The following ZFYVE28 variants were observed in gnomAD, a reference collection of about 807,000 sequenced individuals.
ZFYVE28 encodes the protein lateral signaling target protein 2 homolog.
Under a neutral mutation model 82.1 loss-of-function variants are expected in ZFYVE28, and 40 were observed. The ratio of observed to expected loss-of-function variants is 0.49; its 90% CI spans 0.38 to 0.63. The LOEUF (loss-of-function observed/expected upper bound fraction) is 0.63. Ranked by LOEUF, ZFYVE28 falls within the 30% of genes least tolerant of loss-of-function variation. The pLI, the probability that ZFYVE28 is intolerant of heterozygous loss-of-function variation, is 0.00. For synonymous variants in ZFYVE28, 612 were observed against 546.1 expected (o/e 1.12, Z -1.68); for missense variants, 1,321 against 1,242.1 (o/e 1.06, Z -0.96).
At chr4:2,402,153 G>A (rs1261175488) in intron 1 of ZFYVE28, among the ~76,000 whole-genome samples, 1 of 152,180 alleles carries the variant, frequency 6.6e-6, no homozygotes, top group Non-Finnish European at 1.5e-5. Flanking sequence ...AGTGAGCATG[G>A]AGCTCTGCTG....
chr4:2,381,665 C>T (rs1021082887), intron 1 of ZFYVE28, among the ~76,000 whole-genome samples: 4 of 152,208 alleles, frequency 2.6e-5, no homozygotes, highest in Admixed American at 6.5e-5. Flanking sequence ...CCTCAGCCTC[C>T]CAAAGTGCTG....
intron 1 of ZFYVE28, among the ~76,000 whole-genome samples, chr4:2,378,001 G>A (rs1012847125): frequency 6.6e-6 from 1 of 152,304 alleles, no homozygotes. Context: ...GTAACACAAT[G>A]GGAAGTATTC....
At chr4:2,292,373 G>A (rs998891765) in intron 8 of ZFYVE28, among the ~76,000 whole-genome samples, 3 of 152,194 alleles carry the variant, frequency 2.0e-5, no homozygotes, top group Admixed American at 6.5e-5. Flanking sequence ...CCACAGCATA[G>A]GGCAACGCTA....
chr4:2,386,096 G>T (rs534593038), intron 1 of ZFYVE28, among the ~76,000 whole-genome samples: 2 of 152,238 alleles, frequency 1.3e-5, no homozygotes, highest in South Asian at 4.2e-4. Context: ...TCACTCCCAC[G>T]GCTGCAGCAG....
chr4:2,322,693 T>C lies in ZFYVE28; in HGVS notation c.702-2422A>G, dbSNP rs1400877814. On this transcript the variant is annotated intron_variant, in intron 6 of 12. Transcript: ENST00000290974. ...CGGTGCTGTGCACCCATCACCTCTC[T>C]AGTTTCAAAAGGTTTTTATCACCCC... Among the ~76,000 whole-genome samples, 3 of 152,188 alleles carry C rather than the reference T, an allele frequency of 2.0e-5. No homozygotes were observed. In the East Asian group the frequency reaches 5.8e-4, roughly 29 times the overall value.
intron 2 of ZFYVE28, among the ~76,000 whole-genome samples, chr4:2,350,297 T>C (rs1471966285): frequency 7.9e-5 from 12 of 151,990 alleles, no homozygotes; most frequent in Non-Finnish European, 2.9e-5. Flanking sequence ...ACCCCATCTC[T>C]ACTAAAAATA....
At chr4:2,383,030 CACA>C (rs1578330271) in intron 1 of ZFYVE28, among the ~76,000 whole-genome samples, 1 of 152,264 alleles carries the variant, frequency 6.6e-6, no homozygotes, top group East Asian at 1.9e-4. Context: ...GGGTCCCTCT[CACA>C]ACATGTGGGA....
chr4:2,410,288 C>G (rs1035865605), intron 1 of ZFYVE28, among the ~76,000 whole-genome samples: 1 of 152,084 alleles, frequency 6.6e-6, no homozygotes, highest in Admixed American at 6.6e-5. Flanking sequence ...ACTCTCCAAC[C>G]CCTGGCAACC....
At chr4:2,278,410 A>T (rs986250831) in intron 8 of ZFYVE28, among the ~76,000 whole-genome samples, 1 of 150,332 alleles carries the variant, frequency 6.7e-6, no homozygotes, top group African/African-American at 2.5e-5. Flanking sequence ...CTGGTCTTGA[A>T]CTCCTGGACT....
intron 1 of ZFYVE28, among the ~76,000 whole-genome samples, chr4:2,396,946 T>C (rs1340227232): frequency 6.6e-6 from 1 of 152,094 alleles, no homozygotes; most frequent in Admixed American, 6.5e-5. Flanking sequence ...GCTTCAACGA[T>C]CACTCTGGCT....
intron 7 of ZFYVE28, among the ~76,000 whole-genome samples, chr4:2,313,848 CAAAAA>C (rs397958081): frequency 1.2e-5 from 1 of 80,782 alleles, no homozygotes. Context: ...GACTCTGTCT[CAAAAA>C]AAAAAAAAAA....
intron 1 of ZFYVE28, among the ~76,000 whole-genome samples, chr4:2,402,689 GA>G (rs1393724790): frequency 3.9e-5 from 6 of 152,134 alleles, no homozygotes; most frequent in Non-Finnish European, 8.8e-5. Context: ...GCTTAGAAGG[GA>G]ATATTAAAAA....
At position 2,339,227 on chromosome 4, in the gene ZFYVE28, T is replaced by A. The variant is rs1722353601; in HGVS notation, c.521+226A>T. Among the ~76,000 whole-genome samples, 1 of 152,028 alleles carries A rather than the reference T, an allele frequency of 6.6e-6. No homozygotes were observed. Among genetic ancestry groups the A allele is most frequent in the Non-Finnish European group, 1.5e-5 (1 of 68,014 alleles). ...CCCCTGGAGGCCCACGGCGGCCAGA[T>A]CCACACCTGTGTCCTCTGTGCTCAC... On this transcript the variant is annotated intron_variant, in intron 4 of 12. Coordinates refer to ENST00000290974, the MANE Select transcript of ZFYVE28 (RefSeq NM_020972.3). This position sits in a 1 kb window ranked among gnomAD's most constrained non-coding sequence, Gnocchi z 5.0.
intron 6 of ZFYVE28, chr4:2,324,480 G>C (rs1465848390): frequency 1.1e-5 from 2 of 175,770 alleles, no homozygotes; most frequent in Non-Finnish European, 2.5e-5. Context: ...GACTTGTGTT[G>C]AACAAGACAA....
At chr4:2,397,471 C>CAAA (rs35358830) in intron 1 of ZFYVE28, among the ~76,000 whole-genome samples, 3 of 98,176 alleles carry the variant, frequency 3.1e-5, no homozygotes, top group Admixed American at 1.1e-4. Flanking sequence ...GACTCGGTCT[C>CAAA]AAAAAAAAAA....
intron 1 of ZFYVE28, among the ~76,000 whole-genome samples, chr4:2,405,685 C>G (rs1259201198): frequency 6.6e-6 from 1 of 152,228 alleles, no homozygotes; most frequent in Non-Finnish European, 1.5e-5. Context: ...CAGGAAGGAG[C>G]CAGGTGAGGC....
At chr4:2,411,835 AC>A in intron 1 of ZFYVE28, among the ~76,000 whole-genome samples, 1 of 152,228 alleles carries the variant, frequency 6.6e-6, no homozygotes, top group African/African-American at 2.4e-5. Flanking sequence ...CCCCGCTGCC[AC>A]CCGAGCCCTG....
At chr4:2,275,463 C>T (rs1212017671) in intron 8 of ZFYVE28, among the ~76,000 whole-genome samples, 1 of 152,186 alleles carries the variant, frequency 6.6e-6, no homozygotes, top group East Asian at 1.9e-4. Context: ...TTTAAATTTA[C>T]TGCTGTTACT....
In ZFYVE28 at chr4:2,270,448, C is replaced by G. The variant is rs527878679; in HGVS notation, c.*277G>C. On this transcript the variant is annotated 3_prime_UTR_variant, in exon 13 of 13. Transcript: ENST00000290974. ...CGAGGGACCAGTGGGAGGGCCCAGG[C>G]CTTCTCCGCCAGGCACCCTGCCCTG... 1.8e-5 allele frequency: 9 copies of G among 498,492 alleles called. No homozygotes were observed. The East Asian group carries it at 3.3e-4, about 18-fold the overall frequency. The allele number at this position is 498,492 out of a possible 1,614,324, so 30.9% of individuals were successfully genotyped here.
Sources: allele counts gnomAD v4.1 joint callset (sites outside exome capture counted in the v4.1 genomes callset), GRCh38; gene constraint gnomAD v4.1.1; non-coding constraint Gnocchi (gnomAD v3.1); transcripts MANE v1.5; gene names NCBI Gene and HGNC (gene_info 2026-07-23, HGNC 2026-07-21).